SUMF1: variants seen among roughly 807,000 people sequenced by gnomAD.
SUMF1 encodes formylglycine-generating enzyme.
SUMF1 carries 48 observed loss-of-function variants against 47.6 expected under a neutral mutation model. The ratio of observed to expected loss-of-function variants is 1.01; its 90% CI spans 0.80 to 1.28. The LOEUF (loss-of-function observed/expected upper bound fraction) is 1.28. Ranked by LOEUF, SUMF1 falls within the 50% of genes most tolerant of loss-of-function variation. The probability of loss-of-function intolerance (pLI) is 0.00; values close to 1 mark genes in which losing one functional copy is unlikely to be tolerated. For missense variants in SUMF1, 571 were observed against 485.4 expected (o/e 1.18, Z -1.66); for synonymous variants, 230 against 192.1 (o/e 1.20, Z -1.63).
At chr3:4,058,752 A>T (rs969628282) in intron 9 of SUMF1, among the ~76,000 whole-genome samples, 2 of 152,208 alleles carry the variant, frequency 1.3e-5, no homozygotes, top group Non-Finnish European at 2.9e-5. Context: ...ACATTCTGGG[A>T]GAAGAAAAGT....
rs186946557 is a variant in SUMF1 at position 4,178,070 on chromosome 3, G to T, written c.1015-109325C>A. 8.3e-4 allele frequency among the ~76,000 whole-genome samples: 127 copies of T among 152,218 alleles called. 1 individual carries two copies. The highest frequency in any genetic ancestry group is 3.0e-3 in the African/African-American group (124 of 41,546). ...GTTAAGAGCCTACCAGCCAAAAAAA[G>T]TCCAGGACCAGACAGATTCACAGTG... On this transcript the variant is annotated intron_variant and NMD_transcript_variant, in intron 8 of 12. Transcript: ENST00000448413.
chr3:4,167,526 G>A (rs1332436491), intron 8 of SUMF1, among the ~76,000 whole-genome samples: 1 of 152,120 alleles, frequency 6.6e-6, no homozygotes, highest in Admixed American at 6.5e-5. Flanking sequence ...TCCCTACAGA[G>A]CACTGATAGG....
At chr3:4,390,567 A>T (rs1700828017) in intron 7 of SUMF1, among the ~76,000 whole-genome samples, 1 of 152,126 alleles carries the variant, frequency 6.6e-6, no homozygotes, top group South Asian at 2.1e-4. Context: ...CCTAGCTCCA[A>T]GTCAGGGATA....
At chr3:4,342,767 A>T (rs1303002966) in intron 8 of SUMF1, among the ~76,000 whole-genome samples, 2 of 152,178 alleles carry the variant, frequency 1.3e-5, no homozygotes, top group Non-Finnish European at 2.9e-5. Context: ...ATAGAGCCTA[A>T]CACAGAAGCA....
intron 7 of SUMF1, among the ~76,000 whole-genome samples, chr3:4,385,135 C>T (rs1454119248): frequency 1.3e-5 from 2 of 152,176 alleles, no homozygotes; most frequent in Admixed American, 6.5e-5. Flanking sequence ...ATCAGCCTGC[C>T]TTTGCCTCCC....
chr3:4,197,842 A>G (rs912417453), intron 8 of SUMF1, among the ~76,000 whole-genome samples: 1 of 152,166 alleles, frequency 6.6e-6, no homozygotes, highest in African/African-American at 2.4e-5. Context: ...TTCTGCCACT[A>G]TCGCTGCTTC....
At chr3:4,292,445 G>C (rs1253137799) in intron 8 of SUMF1, among the ~76,000 whole-genome samples, 1 of 152,168 alleles carries the variant, frequency 6.6e-6, no homozygotes, top group Non-Finnish European at 1.5e-5. Flanking sequence ...AGGTGGGTGA[G>C]TCAGAAATTT....
chr3:4,174,926 C>T (rs1342204692), intron 8 of SUMF1, among the ~76,000 whole-genome samples: 1 of 152,210 alleles, frequency 6.6e-6, no homozygotes, highest in Non-Finnish European at 1.5e-5. Flanking sequence ...AAGCCTTGCT[C>T]ACTGCTATTG....
Position 4,097,293 on chromosome 3 carries a change from G to A in SUMF1, c.1015-28548C>T, listed in dbSNP as rs187540293. 8.9e-3 allele frequency among the ~76,000 whole-genome samples: 1,356 copies of A among 152,234 alleles called. 23 individuals are homozygous for A. The highest frequency in any genetic ancestry group is 0.03 in the African/African-American group (1,265 of 41,512). ...GAGCCAGGCACGGTGGCTCACGCCT[G>A]TAATCCCAGCACTTTGGGAGGCCAA... On this transcript the variant is annotated intron_variant and NMD_transcript_variant, in intron 8 of 12. Coordinates refer to the SUMF1 transcript ENST00000448413.
chr3:4,442,567 A>G (rs2060477003), intron 3 of SUMF1, among the ~76,000 whole-genome samples: 1 of 139,578 alleles, frequency 7.2e-6, no homozygotes, highest in Admixed American at 7.3e-5. Flanking sequence ...TCCAGAATAG[A>G]GCCTCACACC....
At chr3:4,125,024 C>T (rs1237589092) in intron 8 of SUMF1, among the ~76,000 whole-genome samples, 1 of 152,046 alleles carries the variant, frequency 6.6e-6, no homozygotes, top group Non-Finnish European at 1.5e-5. Context: ...ATCTTTCCCA[C>T]TGAAAACAGT....
Position 4,325,636 on chromosome 3 carries a change from T to TG in SUMF1, c.1014+50693dup, listed in dbSNP as rs137874105. ...ACACACACACACACACACACATATATGCATAGGTTGCTGTTATTTCTACTG... is the reference window on the plus strand; with the variant it reads ...ACACACACACACACACACACATATATGGCATAGGTTGCTGTTATTTCTACTG... On this transcript the variant is annotated intron_variant and NMD_transcript_variant, in intron 8 of 12. Coordinates refer to the SUMF1 transcript ENST00000448413. 4.6e-3 allele frequency among the ~76,000 whole-genome samples: 692 copies of TG among 151,952 alleles called. 7 individuals are homozygous for TG. Among genetic ancestry groups the TG allele is most frequent in the African/African-American group, 0.016 (667 of 41,360 alleles).
intron 7 of SUMF1, among the ~76,000 whole-genome samples, chr3:4,381,341 G>T (rs552433985): frequency 6.6e-6 from 1 of 152,158 alleles, no homozygotes; most frequent in Admixed American, 6.5e-5. Flanking sequence ...TCGGGGAAAG[G>T]GTGGGAAGGG....
intron 1 of SUMF1, among the ~76,000 whole-genome samples, chr3:4,458,582 G>C (rs1228257637): frequency 6.6e-6 from 1 of 152,168 alleles, no homozygotes; most frequent in African/African-American, 2.4e-5. Context: ...TCGGCCAGGT[G>C]CGGAGGCTCA....
chr3:4,232,447 G>A (rs1030575281), intron 8 of SUMF1, among the ~76,000 whole-genome samples: 4 of 152,096 alleles, frequency 2.6e-5, no homozygotes, highest in African/African-American at 9.7e-5. Flanking sequence ...TGTGAGCCAA[G>A]AGAAGGAGGC....
chr3:4,389,194 T>G (rs1333863563), intron 7 of SUMF1, among the ~76,000 whole-genome samples: 6 of 152,206 alleles, frequency 3.9e-5, no homozygotes, highest in Admixed American at 3.3e-4. Flanking sequence ...ATATCTTGAT[T>G]TCTCCTTATT....
At chr3:4,438,890 C>G (rs1702488088) in intron 3 of SUMF1, among the ~76,000 whole-genome samples, 4 of 152,264 alleles carry the variant, frequency 2.6e-5, no homozygotes. Context: ...AAGTTGACCC[C>G]TGGTAGGTGC....
At chr3:4,113,895 C>G (rs917518331) in intron 8 of SUMF1, among the ~76,000 whole-genome samples, 2 of 152,104 alleles carry the variant, frequency 1.3e-5, no homozygotes, top group Admixed American at 6.5e-5. Context: ...GTGCATTTGT[C>G]TTCTCTAAAT....
chr3:4,077,598 T>C (rs540132849), intron 8 of SUMF1, among the ~76,000 whole-genome samples: 59 of 151,776 alleles, frequency 3.9e-4, no homozygotes, highest in African/African-American at 1.2e-3. Flanking sequence ...TAAGTGGGAG[T>C]TCAACAATGA....
Sources: allele counts gnomAD v4.1 joint callset (sites outside exome capture counted in the v4.1 genomes callset), GRCh38; gene constraint gnomAD v4.1.1; transcripts MANE v1.5; gene names NCBI Gene and HGNC (gene_info 2026-07-23, HGNC 2026-07-21).